Variants in RFX3 observed in about 807,000 individuals in gnomAD.
RFX3 encodes the protein transcription factor RFX3.
Under a neutral mutation model 98.6 loss-of-function variants are expected in RFX3, and 14 were observed. The ratio of observed to expected loss-of-function variants is 0.14; its 90% confidence interval spans 0.09 to 0.22. The LOEUF is 0.22. Among genes scored for constraint, RFX3 ranks in the 10% least tolerant of loss-of-function variants. The pLI, the probability that RFX3 is intolerant of heterozygous loss-of-function variation, is 1.00. For synonymous variants in RFX3, 383 were observed against 328.4 expected (o/e 1.17, Z -1.80); for missense variants, 639 against 926.9 (o/e 0.69, Z 4.03).
chr9:3,339,825 G>T (rs1165205786), intron 3 of RFX3, among the ~76,000 whole-genome samples: 2 of 152,116 alleles, frequency 1.3e-5, no homozygotes, highest in Non-Finnish European at 2.9e-5. Context: ...TGGCCATACT[G>T]CCCAAGGTAA....
intron 16 of RFX3, among the ~76,000 whole-genome samples, chr9:3,225,665 AAC>A (rs1365024872): frequency 6.6e-6 from 1 of 152,150 alleles, no homozygotes; most frequent in African/African-American, 2.4e-5. Context: ...TGAAAACGCA[AAC>A]ACAAAAAAAG....
chr9:3,395,359 G>T, intron 2 of RFX3, 113 bp downstream of exon 2: 1 of 1,193,620 alleles, frequency 8.4e-7, no homozygotes, highest in Non-Finnish European at 1.2e-6. Flanking sequence ...AAAAACTGAA[G>T]TATGCCTATC....
chr9:3,286,068 A>G (rs1217953963), intron 7 of RFX3, among the ~76,000 whole-genome samples: 3 of 151,814 alleles, frequency 2.0e-5, no homozygotes, highest in Non-Finnish European at 4.4e-5. Context: ...CAACTGTCTT[A>G]GGTATAATTT....
intron 1 of RFX3, among the ~76,000 whole-genome samples, chr9:3,423,909 A>G (rs1461609902): frequency 1.3e-5 from 2 of 150,982 alleles, no homozygotes; most frequent in Non-Finnish European, 3.0e-5. Flanking sequence ...GCACTCTGGG[A>G]GGCCGAGGCG....
chr9:3,262,662 A>G (rs1485527567), intron 13 of RFX3, among the ~76,000 whole-genome samples: 2 of 152,182 alleles, frequency 1.3e-5, no homozygotes, highest in Non-Finnish European at 2.9e-5. Context: ...TCTAACTTCA[A>G]TGACTGTGAC....
chr9:3,382,895 A>G (rs1839337786), intron 2 of RFX3, among the ~76,000 whole-genome samples: 1 of 152,154 alleles, frequency 6.6e-6, no homozygotes, highest in African/African-American at 2.4e-5. Flanking sequence ...CTTATTGCTT[A>G]GAATATATAT....
chr9:3,505,240 T>A (rs948060641), intron 1 of RFX3, among the ~76,000 whole-genome samples: 5 of 84,162 alleles, frequency 5.9e-5, no homozygotes, highest in African/African-American at 2.6e-4. Context: ...GAATATATAT[T>A]TATATATATA....
intron 2 of RFX3, among the ~76,000 whole-genome samples, chr9:3,382,790 G>C (rs2131729012): frequency 6.6e-6 from 1 of 152,150 alleles, no homozygotes; most frequent in East Asian, 1.9e-4. Context: ...AGGAAATGTA[G>C]AGAAAATTAG....
intron 2 of RFX3, among the ~76,000 whole-genome samples, chr9:3,372,629 C>T (rs1785496406): frequency 6.6e-6 from 1 of 150,518 alleles, no homozygotes; most frequent in African/African-American, 2.4e-5. Context: ...CTCACTGCAA[C>T]CTCTGCCCCC....
intron 1 of RFX3, chr9:3,489,423 A>G: frequency 1.0e-6 from 1 of 985,436 alleles, no homozygotes; most frequent in Non-Finnish European, 1.2e-6. Context: ...TAGTGGAAGC[A>G]GAAGTTCACA....
chr9:3,286,681 G>T (rs1187060988), intron 7 of RFX3, among the ~76,000 whole-genome samples: 2 of 151,874 alleles, frequency 1.3e-5, no homozygotes, highest in African/African-American at 4.8e-5. Context: ...TCTGCACAAA[G>T]AACAAACTTA....
intron 1 of RFX3, among the ~76,000 whole-genome samples, chr9:3,465,959 C>T (rs566556363): frequency 6.6e-6 from 1 of 152,148 alleles, no homozygotes; most frequent in African/African-American, 2.4e-5. Flanking sequence ...ATATGAACAA[C>T]ATTTTCAGTG....
rs553293073 is a variant in RFX3, at chr9:3,230,925, G to A, written c.1969-2036C>T. ...ATCTTCAAAAGAAACATTGCATTTA[G>A]TTGCTACTTAACTCCGAAAACATGA... On this transcript the variant is annotated intron_variant, in intron 15 of 16. Coordinates refer to ENST00000617270, the MANE Select transcript of RFX3 (RefSeq NM_001282116.2). Among the ~76,000 whole-genome samples the A allele has an allele frequency of 2.1e-3, 320 of 152,256 alleles. 1 individual carries two copies. Among genetic ancestry groups the A allele is most frequent in the African/African-American group, 7.6e-3 (314 of 41,548 alleles).
At chr9:3,502,237 G>A (rs1157203489) in intron 1 of RFX3, among the ~76,000 whole-genome samples, 1 of 150,674 alleles carries the variant, frequency 6.6e-6, no homozygotes, top group East Asian at 2.0e-4. Context: ...CAGCCTGGGA[G>A]ACACAGCAAG....
At chr9:3,447,255 A>G (rs1300270744) in intron 1 of RFX3, among the ~76,000 whole-genome samples, 1 of 152,182 alleles carries the variant, frequency 6.6e-6, no homozygotes, top group Non-Finnish European at 1.5e-5. Context: ...AGTGCTCTAT[A>G]AAGTACTCAG....
chr9:3,282,528 T>C (rs894325964), intron 7 of RFX3, among the ~76,000 whole-genome samples: 5 of 151,750 alleles, frequency 3.3e-5, no homozygotes, highest in Non-Finnish European at 7.4e-5. Context: ...TTCATTCATT[T>C]AACAAATATT....
intron 1 of RFX3, among the ~76,000 whole-genome samples, chr9:3,447,867 A>G (rs1303108668): frequency 1.3e-5 from 2 of 152,186 alleles, no homozygotes; most frequent in African/African-American, 2.4e-5. Context: ...TGCTTTTTTA[A>G]TTATGCTAAA....
At chr9:3,363,036 A>G (rs184177879) in intron 2 of RFX3, among the ~76,000 whole-genome samples, 1 of 152,344 alleles carries the variant, frequency 6.6e-6, no homozygotes, top group African/African-American at 2.4e-5. Flanking sequence ...GTAGCATTTT[A>G]TCAGGATTAT....
At chr9:3,286,488 G>A (rs1247457764) in intron 7 of RFX3, among the ~76,000 whole-genome samples, 1 of 151,746 alleles carries the variant, frequency 6.6e-6, no homozygotes, top group African/African-American at 2.4e-5. Context: ...CTTGAACTGA[G>A]TCTTCAGTCT....
Sources: gnomAD v4.1 joint callset for allele counts (sites outside exome capture counted in the v4.1 genomes callset) on GRCh38, gnomAD v4.1.1 for gene constraint, MANE v1.5 for transcripts, NCBI Gene and HGNC (gene_info 2026-07-23, HGNC 2026-07-21) for gene names.